The following SH3RF2 variants were observed in gnomAD, a reference collection of about 807,000 sequenced individuals.
SH3RF2 encodes the protein SH3 domain containing ring finger 2.
A neutral mutation model predicts 59.0 loss-of-function variants in SH3RF2; 43 were observed. The observed-to-expected ratio is 0.73, with a 90% CI of 0.57 to 0.94. The LOEUF (loss-of-function observed/expected upper bound fraction) is 0.94, where lower values mean the gene tolerates loss of function less well. SH3RF2 is among the 40% of genes least tolerant of loss of function. SH3RF2 has a pLI of 0.00. For missense variants in SH3RF2, 930 were observed against 940.1 expected (o/e 0.99, Z 0.14); for synonymous variants, 391 against 391.5 (o/e 1.00, Z 0.01).
chr5:145,939,432 A>G lies in SH3RF2; in HGVS notation c.378+1126A>G, dbSNP rs543866068. On this transcript the variant is annotated intron_variant, in intron 2 of 9. Coordinates refer to ENST00000359120, the MANE Select transcript of SH3RF2 (RefSeq NM_152550.4). Reference sequence around the variant, plus strand: ...GAGTGGCTTGTGATACGCATTTGGAACAACTTTCCGAAATTTTCCTTCTAA... The same window carrying G: ...GAGTGGCTTGTGATACGCATTTGGAGCAACTTTCCGAAATTTTCCTTCTAA... Among the ~76,000 whole-genome samples, 54 of 152,276 alleles carry G rather than the reference A, an allele frequency of 3.5e-4. 1 individual carries two copies. In the South Asian group the frequency reaches 9.5e-3, roughly 27 times the overall value.
chr5:146,009,084 T>C (rs1760770305), intron 4 of SH3RF2, among the ~76,000 whole-genome samples: 1 of 152,234 alleles, frequency 6.6e-6, no homozygotes, highest in African/African-American at 2.4e-5. Flanking sequence ...AAAACTGTTA[T>C]AAACATTTGC....
intron 5 of SH3RF2, among the ~76,000 whole-genome samples, chr5:146,037,232 C>T (rs1438848359): frequency 1.3e-5 from 2 of 152,172 alleles, no homozygotes; most frequent in Admixed American, 1.3e-4. Context: ...ATTCTTGCCC[C>T]CTTTCGTAGA....
At chr5:145,989,697 G>C (rs1371547791) in intron 2 of SH3RF2, among the ~76,000 whole-genome samples, 2 of 152,184 alleles carry the variant, frequency 1.3e-5, no homozygotes, top group Admixed American at 6.5e-5. Flanking sequence ...CTGATGCGAG[G>C]AGTAGAGAGA....
intron 4 of SH3RF2, among the ~76,000 whole-genome samples, chr5:146,011,139 CG>C (rs1760873734): frequency 6.6e-6 from 1 of 152,136 alleles, no homozygotes; most frequent in South Asian, 2.1e-4. Context: ...AATAGGGAAT[CG>C]TTTCCCCATT....
chr5:146,018,867 A>G (rs1211868159), intron 5 of SH3RF2, among the ~76,000 whole-genome samples: 1 of 141,686 alleles, frequency 7.1e-6, no homozygotes, highest in African/African-American at 2.6e-5. Flanking sequence ...TTTAACTTGC[A>G]TTTCCCTGAT....
chr5:146,017,103 G>T (rs1347132179), intron 5 of SH3RF2, among the ~76,000 whole-genome samples: 1 of 152,176 alleles, frequency 6.6e-6, no homozygotes, highest in East Asian at 1.9e-4. Flanking sequence ...CTTTCTACCT[G>T]TGGGAAACCA....
intron 2 of SH3RF2, among the ~76,000 whole-genome samples, chr5:145,964,304 C>T (rs1758772601): frequency 3.7e-5 from 4 of 107,676 alleles, no homozygotes; most frequent in South Asian, 3.2e-4. Flanking sequence ...TCCTTCCTTC[C>T]TTTCTTTCTT....
chr5:145,986,844 T>C lies in SH3RF2; in HGVS notation c.379-13214T>C, dbSNP rs370641843. Among the ~76,000 whole-genome samples the C allele has an allele frequency of 7.1e-4, 108 of 152,326 alleles. 1 individual carries two copies. In the East Asian group the frequency reaches 0.012, roughly 16 times the overall value. On this transcript the variant is annotated intron_variant, in intron 2 of 9. Transcript: ENST00000359120. ...GCCAATGGCAGCCCTGAAAAGGCAC[T>C]ACTGACTATAAGCAGCTCTTTCTCT...
At chr5:145,967,739 A>G (rs530743660) in intron 2 of SH3RF2, among the ~76,000 whole-genome samples, 4 of 152,154 alleles carry the variant, frequency 2.6e-5, no homozygotes, top group African/African-American at 9.6e-5. Context: ...GGCTCACTGC[A>G]ACCTCCGCCT....
At chr5:146,076,398 G>A (rs1763342482) in intron 9 of SH3RF2, among the ~76,000 whole-genome samples, 2 of 152,254 alleles carry the variant, frequency 1.3e-5, no homozygotes, top group South Asian at 4.2e-4. Context: ...CACCAACCTA[G>A]GCACAGGGAG....
Position 146,049,211 on chromosome 5 carries a change from A to G in SH3RF2, c.1288A>G (p.Ile430Val), listed in dbSNP as rs1251372924. 9 of 1,613,614 alleles carry G rather than the reference A, an allele frequency of 5.6e-6. No homozygotes were observed. The highest frequency in any genetic ancestry group is 7.6e-6 in the Non-Finnish European group (9 of 1,179,744). The change falls in exon 7 of 10, where the codon ATC (isoleucine) becomes GTC (valine). Residue 430 changes from isoleucine to valine, a missense_variant. Coordinates refer to ENST00000359120, the MANE Select transcript of SH3RF2 (RefSeq NM_152550.4). ...CTCCTTGGTCACCGGGCGAGTCGGCATCTTCCCAAACAATTACGTCATCCC... is the reference window on the plus strand; with the variant it reads ...CTCCTTGGTCACCGGGCGAGTCGGCGTCTTCCCAAACAATTACGTCATCCC... ...GVSLVTGRVG[I>V]FPNNYVIPIF...
At chr5:146,012,768 A>C (rs1424682255) in intron 4 of SH3RF2, among the ~76,000 whole-genome samples, 1 of 152,160 alleles carries the variant, frequency 6.6e-6, no homozygotes, top group African/African-American at 2.4e-5. Flanking sequence ...TGAGTAGGGT[A>C]CTCAAAATAT....
chr5:146,070,149 T>C (rs566895238), intron 9 of SH3RF2, among the ~76,000 whole-genome samples: 10 of 152,280 alleles, frequency 6.6e-5, no homozygotes, highest in African/African-American at 2.4e-4. Flanking sequence ...AAGATTAGAA[T>C]TGAGACTCAG....
chr5:146,059,737 ATG>A, intron 8 of SH3RF2, 127 bp from the exon 9 acceptor site: 2 of 606,304 alleles, frequency 3.3e-6, no homozygotes, highest in South Asian at 8.6e-5. Flanking sequence ...CCCGGAGAGA[ATG>A]TGAGTGCAGT....
chr5:145,950,050 G>A (rs573793671), intron 2 of SH3RF2, among the ~76,000 whole-genome samples: 1 of 144,026 alleles, frequency 6.9e-6, no homozygotes, highest in African/African-American at 2.8e-5. Context: ...GACCAGGAAA[G>A]AAAGGAGCCA....
downstream of SH3RF2, among the ~76,000 whole-genome samples, chr5:146,066,371 C>T (rs146075533): frequency 2.0e-5 from 3 of 152,312 alleles, no homozygotes; most frequent in East Asian, 5.8e-4. Context: ...CGTTTTCTTA[C>T]ATAGGAATAA....
intron 9 of SH3RF2, among the ~76,000 whole-genome samples, chr5:146,072,988 T>G (rs34848484): frequency 0.23 from 35,181 of 152,242 alleles, 4,966 homozygotes; most frequent in Admixed American, 0.34. Flanking sequence ...GAAAATACTT[T>G]AATGTTTGCT....
chr5:145,944,160 C>T (rs1757926379), intron 2 of SH3RF2, among the ~76,000 whole-genome samples: 1 of 152,042 alleles, frequency 6.6e-6, no homozygotes, highest in Admixed American at 6.6e-5. Flanking sequence ...TGACATGAGG[C>T]TTAAAGGAAG....
chr5:145,984,145 G>T (rs1759611418), intron 2 of SH3RF2, among the ~76,000 whole-genome samples: 1 of 152,076 alleles, frequency 6.6e-6, no homozygotes, highest in South Asian at 2.1e-4. Flanking sequence ...GGCAGGTATT[G>T]TGTATGTCTC....
Sources: gnomAD v4.1 joint callset for allele counts (sites outside exome capture counted in the v4.1 genomes callset) on GRCh38, gnomAD v4.1.1 for gene constraint, MANE v1.5 for transcripts, NCBI Gene and HGNC (gene_info 2026-07-23, HGNC 2026-07-21) for gene names.